JAZF1: variants seen among roughly 807,000 people sequenced by gnomAD.
JAZF1 encodes juxtaposed with another zinc finger protein 1.
A neutral mutation model predicts 26.4 loss-of-function variants in JAZF1; 8 were observed. That is an observed-to-expected ratio of 0.30 (90% confidence interval 0.18 to 0.55). The LOEUF is 0.55. JAZF1 is among the 20% of genes least tolerant of loss of function. The probability of loss-of-function intolerance (pLI) is 0.94; values close to 1 mark genes in which losing one functional copy is unlikely to be tolerated. For synonymous variants in JAZF1, 126 were observed against 122.3 expected, an observed-to-expected ratio of 1.03 and a Z score of -0.20; for missense variants, 199 against 322.0, an observed-to-expected ratio of 0.62 and a Z score of 2.92.
chr7:28,053,949 G>A (rs1783656968), intron 1 of JAZF1, among the ~76,000 whole-genome samples: 1 of 152,100 alleles, frequency 6.6e-6, no homozygotes, highest in African/African-American at 2.4e-5. Flanking sequence ...AAGGAAAAAA[G>A]GAAAGCCATT....
intron 1 of JAZF1, chr7:28,020,431 C>A: frequency 2.7e-6 from 1 of 373,100 alleles, no homozygotes; most frequent in Admixed American, 3.2e-5. Context: ...CAGAAGGAAA[C>A]AAACGAGGAG....
At chr7:28,110,636 AAAAGGAAAGG>A (rs1199629854) in intron 1 of JAZF1, among the ~76,000 whole-genome samples, 2 of 145,322 alleles carry the variant, frequency 1.4e-5, no homozygotes, top group African/African-American at 5.1e-5. Flanking sequence ...AAAGGAAAGG[AAAAGGAAAGG>A]AAAGGAAAGG....
intron 1 of JAZF1, among the ~76,000 whole-genome samples, chr7:28,092,989 G>T (rs148652426): frequency 6.6e-6 from 1 of 152,160 alleles, no homozygotes; most frequent in Admixed American, 6.5e-5. Flanking sequence ...CCCTGAAAGG[G>T]TTTCTACAAA....
chr7:27,870,075 AT>A (rs371770357), intron 3 of JAZF1, among the ~76,000 whole-genome samples: 16,486 of 120,648 alleles, frequency 0.14, 631 homozygotes, highest in Middle Eastern at 0.21. Context: ...CACCCGGTTA[AT>A]TTTTTTTTTT....
chr7:27,838,189 T>A (rs1782854525), intron 4 of JAZF1, among the ~76,000 whole-genome samples: 1 of 152,188 alleles, frequency 6.6e-6, no homozygotes, highest in African/African-American at 2.4e-5. Context: ...AATACACATG[T>A]TGATAAACTG....
intron 1 of JAZF1, among the ~76,000 whole-genome samples, chr7:28,125,199 T>A (rs566817300): frequency 4.6e-5 from 7 of 151,040 alleles, no homozygotes; most frequent in Non-Finnish European, 1.0e-4. Context: ...CACAAAAATA[T>A]TATTTAAGAC....
chr7:28,019,382 T>C (rs1782963613), intron 1 of JAZF1, among the ~76,000 whole-genome samples: 2 of 152,180 alleles, frequency 1.3e-5, no homozygotes, highest in South Asian at 4.1e-4. Context: ...GCTTGGATTA[T>C]GCCCCTTCTC....
At chr7:27,871,158 G>A (rs1239821119) in intron 3 of JAZF1, among the ~76,000 whole-genome samples, 4 of 152,168 alleles carry the variant, frequency 2.6e-5, no homozygotes, top group Admixed American at 2.6e-4. Context: ...GAATAACTTC[G>A]CTGTTCCTCC....
At chr7:28,072,950 T>C (rs1783999266) in intron 1 of JAZF1, among the ~76,000 whole-genome samples, 1 of 152,192 alleles carries the variant, frequency 6.6e-6, no homozygotes, top group Non-Finnish European at 1.5e-5. Context: ...TTAAGAAAAG[T>C]ACAAAGACAA....
At chr7:28,100,432 T>C (rs190268935) in intron 1 of JAZF1, among the ~76,000 whole-genome samples, 19 of 151,984 alleles carry the variant, frequency 1.3e-4, no homozygotes, top group Admixed American at 8.5e-4. Context: ...TACATATATA[T>C]ATAATAATAA....
chr7:27,913,455 T>G (rs1784395693), intron 2 of JAZF1: 1 of 411,846 alleles, frequency 2.4e-6, no homozygotes, highest in South Asian at 1.7e-5. Flanking sequence ...CTCCGCTGTC[T>G]GTGGGCGGAA....
At chr7:28,030,146 C>G (rs1783165407) in intron 1 of JAZF1, among the ~76,000 whole-genome samples, 1 of 152,110 alleles carries the variant, frequency 6.6e-6, no homozygotes, top group Non-Finnish European at 1.5e-5. Flanking sequence ...GGGGCTGGCG[C>G]AGGATGGAGA....
intron 2 of JAZF1, among the ~76,000 whole-genome samples, chr7:27,968,424 T>C (rs1267834439): frequency 2.0e-5 from 3 of 152,218 alleles, no homozygotes; most frequent in Admixed American, 6.5e-5. Flanking sequence ...GCATTCAGCA[T>C]CTTTCAGTGG....
intron 3 of JAZF1, among the ~76,000 whole-genome samples, chr7:27,893,660 A>G (rs1784012425): frequency 6.6e-6 from 1 of 152,204 alleles, no homozygotes; most frequent in African/African-American, 2.4e-5. Flanking sequence ...AATTCTATAT[A>G]GCACTTGTCA....
chr7:28,032,267 C>T (rs183511058), intron 1 of JAZF1, among the ~76,000 whole-genome samples: 5 of 152,308 alleles, frequency 3.3e-5, no homozygotes, highest in Admixed American at 6.5e-5. Context: ...TAAGAATCAA[C>T]ACTGGCACTG....
intron 1 of JAZF1, among the ~76,000 whole-genome samples, chr7:28,096,868 A>G (rs932581817): frequency 8.5e-5 from 13 of 152,192 alleles, no homozygotes; most frequent in Non-Finnish European, 1.3e-4. Flanking sequence ...TCGTTTTTAC[A>G]AAGTTGCCAA....
chr7:28,034,399 A>G (rs1657291842), intron 1 of JAZF1, among the ~76,000 whole-genome samples: 1 of 147,366 alleles, frequency 6.8e-6, no homozygotes, highest in Admixed American at 6.9e-5. Flanking sequence ...AAATCCTTTC[A>G]GTTTCTTTTG....
intron 1 of JAZF1, among the ~76,000 whole-genome samples, chr7:28,139,065 T>G (rs1469507044): frequency 6.6e-6 from 1 of 152,184 alleles, no homozygotes; most frequent in Non-Finnish European, 1.5e-5. Flanking sequence ...CTGGTACTAG[T>G]TGTTTTGCTT....
At chr7:27,943,139 C>T (rs1466448933) in intron 2 of JAZF1, among the ~76,000 whole-genome samples, 1 of 152,160 alleles carries the variant, frequency 6.6e-6, no homozygotes, top group Non-Finnish European at 1.5e-5. Context: ...CTGGAGGCAA[C>T]ATCCTCAGAT....
Sources: gnomAD v4.1 joint callset for allele counts (sites outside exome capture counted in the v4.1 genomes callset) on GRCh38, gnomAD v4.1.1 for gene constraint, MANE v1.5 for transcripts, NCBI Gene and HGNC (gene_info 2026-07-23, HGNC 2026-07-21) for gene names.